The following ATP10D variants were observed in gnomAD, a reference collection of about 807,000 sequenced individuals.
ATP10D encodes the protein ATPase phospholipid transporting 10D (putative).
In ATP10D, 89 loss-of-function variants were observed where a neutral mutation model predicts 144.8. The observed-to-expected ratio is 0.61, with a 90% confidence interval of 0.52 to 0.73. The LOEUF (loss-of-function observed/expected upper bound fraction) is 0.73. Ranked by LOEUF, ATP10D falls within the 30% of genes least tolerant of loss-of-function variation. ATP10D has a pLI of 0.00. For missense variants in ATP10D, 1,603 were observed against 1,714.8 expected (o/e 0.93, Z 1.15); for synonymous variants, 571 against 615.1 (o/e 0.93, Z 1.06).
chr4:47,557,951 C>T lies in ATP10D; in HGVS notation c.2112C>T (p.Leu704=). 5.0e-6 allele frequency: 8 copies of T among 1,614,186 alleles called. No homozygotes were observed. The highest frequency in any genetic ancestry group is 5.9e-6 in the Non-Finnish European group (7 of 1,180,036). Residue 704 remains leucine, a synonymous_variant, in exon 12 of 23, where the codon CTC becomes CTT. Transcript: ENST00000273859. ...ETEKQHGDAG[L]LNGKAESLPG... ...AGAAACAACACGGTGATGCAGGCCT[C>T]CTGAATGGCAAGGCAGAGTCCCTCC...
intron 11 of ATP10D, among the ~76,000 whole-genome samples, chr4:47,555,672 C>G (rs1384802040): frequency 6.6e-6 from 1 of 152,104 alleles, no homozygotes. Context: ...TTTGAGACTT[C>G]TGAGACCTCC....
At chr4:47,589,513 G>GTT (rs1553902059) in intron 22 of ATP10D, among the ~76,000 whole-genome samples, 3 of 152,102 alleles carry the variant, frequency 2.0e-5, no homozygotes, top group Non-Finnish European at 4.4e-5. Context: ...GGACATTTAA[G>GTT]TTGTAACCAG....
intron 1 of ATP10D, among the ~76,000 whole-genome samples, chr4:47,492,722 T>A (rs1187874655): frequency 6.6e-6 from 1 of 152,160 alleles, no homozygotes; most frequent in Non-Finnish European, 1.5e-5. Flanking sequence ...CAAAAGAAAA[T>A]CTTTAATACA....
At chr4:47,536,591 A>T in intron 8 of ATP10D, 27 bp downstream of exon 8, 1 of 1,608,862 alleles carries the variant, frequency 6.2e-7, no homozygotes. Context: ...CTTATGGTAG[A>T]ATTTTAACAT....
chr4:47,546,382 G>A (rs563455999), intron 9 of ATP10D, among the ~76,000 whole-genome samples: 2 of 152,316 alleles, frequency 1.3e-5, no homozygotes, highest in East Asian at 3.9e-4. Flanking sequence ...CCGAGAGTAT[G>A]AGTACCAATG....
At chr4:47,555,299 T>G (rs911680830) in intron 11 of ATP10D, among the ~76,000 whole-genome samples, 1 of 152,210 alleles carries the variant, frequency 6.6e-6, no homozygotes. Flanking sequence ...TATGAGAATC[T>G]AATACCCAGA....
At position 47,591,543 on chromosome 4, in the gene ATP10D, C is replaced by G. The variant is rs547870571; in HGVS notation, c.*162C>G. 5.3e-6 allele frequency: 3 copies of G among 560,972 alleles called. No individual in the cohort carries two copies. Among genetic ancestry groups the G allele is most frequent in the Non-Finnish European group, 9.1e-6 (3 of 329,450 alleles). The allele number at this position is 560,972 out of a possible 1,614,324, so 34.7% of individuals were successfully genotyped here. ...GAGCATTATTGTATGTTTGTATATA[C>G]ATTTGTGATAGAGGGCTAGAGTTTG... On this transcript the variant is annotated 3_prime_UTR_variant, in exon 23 of 23. Coordinates refer to ENST00000273859, the MANE Select transcript of ATP10D (RefSeq NM_020453.4).
chr4:47,558,035 C>T lies in ATP10D; in HGVS notation c.2196C>T (p.Ala732=). 1.2e-6 allele frequency: 2 copies of T among 1,614,230 alleles called. No individual in the cohort carries two copies. The highest frequency in any genetic ancestry group is 1.7e-6 in the Non-Finnish European group (2 of 1,180,044). ...CYEAESPDEA[A]LVYAARAYQC... is the part of the protein sequence containing the mutation. ...AGGCCGAGAGCCCAGACGAAGCGGCCTTAGTGTATGCCGCCAGGGCTTACC... is the reference window on the plus strand; with the variant it reads ...AGGCCGAGAGCCCAGACGAAGCGGCTTTAGTGTATGCCGCCAGGGCTTACC... The change falls in exon 12 of 23, where the codon GCC becomes GCT. Residue 732 remains alanine, a synonymous_variant. Transcript: ENST00000273859.
intron 1 of ATP10D, among the ~76,000 whole-genome samples, chr4:47,504,795 A>C (rs1715929853): frequency 1.3e-5 from 2 of 152,188 alleles, no homozygotes; most frequent in South Asian, 4.1e-4. Context: ...GATCTAGGTC[A>C]AGGAGACTTT....
In ATP10D at chr4:47,557,945, AG is replaced by A; in HGVS notation, c.2108del (p.Gly703AlafsTer3). The A allele has an allele frequency of 3.1e-6, 5 of 1,614,222 alleles. No individual in the cohort carries two copies. The highest frequency in any genetic ancestry group is 4.2e-6 in the Non-Finnish European group (5 of 1,180,038). On this transcript the variant is annotated frameshift_variant, in exon 12 of 23. Transcript: ENST00000273859. LOFTEE classifies it high-confidence loss of function. ...TETEKQHGDA[G>X]LLNGKAESLP... ...AAACAGAGAAACAACACGGTGATGC[AG>A]GCCTCCTGAATGGCAAGGCAGAGTC...
At chr4:47,504,839 C>G (rs971425524) in intron 1 of ATP10D, among the ~76,000 whole-genome samples, 1 of 152,208 alleles carries the variant, frequency 6.6e-6, no homozygotes, top group African/African-American at 2.4e-5. Context: ...CAATTCCTAT[C>G]TTATTCTTAG....
At position 47,572,245 on chromosome 4, in the gene ATP10D, T is replaced by G. The variant is rs1281837715; in HGVS notation, c.3240+15T>G. On this transcript the variant is annotated intron_variant, in intron 17 of 22. Transcript: ENST00000273859. ...AAGGCATGCAGGTGAGTGGATATTGTGCACCCAAGTTCTGTGGCCTTGACC... is the reference window on the plus strand; with the variant it reads ...AAGGCATGCAGGTGAGTGGATATTGGGCACCCAAGTTCTGTGGCCTTGACC... The G allele has an allele frequency of 1.9e-6, 3 of 1,612,330 alleles. No homozygotes were observed. Among genetic ancestry groups the G allele is most frequent in the Non-Finnish European group, 2.5e-6 (3 of 1,178,564 alleles).
At chr4:47,502,289 G>A (rs1335198034) in intron 1 of ATP10D, among the ~76,000 whole-genome samples, 1 of 152,074 alleles carries the variant, frequency 6.6e-6, no homozygotes, top group African/African-American at 2.4e-5. Flanking sequence ...GGCTAACACG[G>A]TGAAACCCCG....
intron 19 of ATP10D, among the ~76,000 whole-genome samples, 166 bp from the exon 20 acceptor site, chr4:47,580,232 G>A (rs1261198557): frequency 6.6e-6 from 1 of 152,096 alleles, no homozygotes; most frequent in Non-Finnish European, 1.5e-5. Flanking sequence ...GTTTACTTGT[G>A]AACCCATCAC....
chr4:47,491,291 G>GTAACAC (rs59041603), intron 1 of ATP10D: 189,850 of 887,862 alleles, frequency 0.21, 28,423 homozygotes, highest in East Asian at 0.63. Context: ...TTTTGCCATG[G>GTAACAC]TAACACTGGT....
At chr4:47,571,099 T>C (rs915945374) in intron 16 of ATP10D, among the ~76,000 whole-genome samples, 2 of 152,086 alleles carry the variant, frequency 1.3e-5, no homozygotes, top group African/African-American at 4.8e-5. Flanking sequence ...GCATCACTTT[T>C]CAGATTGCTG....
At chr4:47,550,487 T>TG (rs201567400) in intron 10 of ATP10D, among the ~76,000 whole-genome samples, 116 of 150,048 alleles carry the variant, frequency 7.7e-4, no homozygotes, top group African/African-American at 2.0e-3. Flanking sequence ...GTCATGGGGT[T>TG]GGGGGGGGCG....
chr4:47,591,463 T>TG lies in ATP10D; in HGVS notation c.*83dup, dbSNP rs1172837287. On this transcript the variant is annotated 3_prime_UTR_variant, in exon 23 of 23. Coordinates refer to ENST00000273859, the MANE Select transcript of ATP10D (RefSeq NM_020453.4). ...GGTATCTCTCCAAGCAAGAATGACT[T>TG]GTTTTTCCATAAGGGACATGAGCAT... 6.5e-6 allele frequency: 8 copies of TG among 1,230,404 alleles called. No homozygotes were observed. Among genetic ancestry groups the TG allele is most frequent in the Non-Finnish European group, 2.3e-6 (2 of 886,280 alleles). The allele number at this position is 1,230,404 out of a possible 1,614,324, so 76.2% of individuals were successfully genotyped here.
At chr4:47,528,458 GGTGTGTGTGT>G (rs372960268) in intron 5 of ATP10D, among the ~76,000 whole-genome samples, 8,533 of 115,376 alleles carry the variant, frequency 0.074, 397 homozygotes, top group Middle Eastern at 0.11. Flanking sequence ...AGTAGTCCAT[GGTGTGTGTGT>G]GTGTGTGTGT....
Sources: gnomAD v4.1 joint callset for allele counts (sites outside exome capture counted in the v4.1 genomes callset) on GRCh38, gnomAD v4.1.1 for gene constraint, MANE v1.5 for transcripts, NCBI Gene and HGNC (gene_info 2026-07-23, HGNC 2026-07-21) for gene names.